Variants in ANAPC16 observed in about 807,000 individuals in gnomAD.
ANAPC16 encodes the protein anaphase-promoting complex subunit 16.
ANAPC16 carries 6 observed loss-of-function variants against 13.1 expected under a neutral mutation model. The observed-to-expected ratio is 0.46, with a 90% confidence interval of 0.25 to 0.90. The LOEUF (loss-of-function observed/expected upper bound fraction) is 0.90. ANAPC16 is among the 40% of genes least tolerant of loss of function. ANAPC16 has a pLI of 0.18. For synonymous variants in ANAPC16, 55 were observed against 51.3 expected (o/e 1.07, Z -0.31); for missense variants, 113 against 131.1 (o/e 0.86, Z 0.67).
At chr10:72,224,181 C>T (rs999547279) in intron 2 of ANAPC16, 125 bp downstream of exon 2, 4 of 1,104,004 alleles carry the variant, frequency 3.6e-6, no homozygotes, top group Non-Finnish European at 4.8e-6. Context: ...CATTTCTTGT[C>T]CCCATCTCAA....
chr10:72,232,038 T>G (rs1231568619), intron 3 of ANAPC16, among the ~76,000 whole-genome samples: 1 of 150,118 alleles, frequency 6.7e-6, no homozygotes, highest in African/African-American at 2.5e-5. Context: ...AATACAAAAT[T>G]AGCCAGGCAT....
At chr10:72,218,639 T>G (rs920555240) in intron 1 of ANAPC16, among the ~76,000 whole-genome samples, 7 of 152,212 alleles carry the variant, frequency 4.6e-5, no homozygotes, top group Non-Finnish European at 8.8e-5. Flanking sequence ...TTCCTTACTA[T>G]AGGCCAGGTG....
chr10:72,226,343 A>G (rs758746769), intron 2 of ANAPC16, among the ~76,000 whole-genome samples: 16 of 152,002 alleles, frequency 1.1e-4, no homozygotes, highest in Admixed American at 7.9e-4. Flanking sequence ...TTACACAACT[A>G]TATTTTAAAA....
At chr10:72,232,029 A>C (rs953674226) in intron 3 of ANAPC16, among the ~76,000 whole-genome samples, 1 of 148,762 alleles carries the variant, frequency 6.7e-6, no homozygotes, top group Non-Finnish European at 1.5e-5. Flanking sequence ...TCTACTAAAA[A>C]TACAAAATTA....
chr10:72,218,241 C>T (rs1305873743), intron 1 of ANAPC16, among the ~76,000 whole-genome samples: 2 of 115,534 alleles, frequency 1.7e-5, no homozygotes, highest in African/African-American at 6.6e-5. Flanking sequence ...CAATTTTTTA[C>T]ATTTTTGGCA....
At chr10:72,222,578 A>C (rs951402610) in intron 1 of ANAPC16, among the ~76,000 whole-genome samples, 2 of 151,868 alleles carry the variant, frequency 1.3e-5, no homozygotes, top group Non-Finnish European at 2.9e-5. Context: ...GGAGTTTGAG[A>C]CCAGCATGGC....
intron 1 of ANAPC16, among the ~76,000 whole-genome samples, chr10:72,222,580 C>G (rs1182585170): frequency 2.0e-5 from 3 of 151,562 alleles, no homozygotes; most frequent in Non-Finnish European, 4.4e-5. Flanking sequence ...AGTTTGAGAC[C>G]AGCATGGCCA....
chr10:72,232,770 A>AT (rs1406917798), intron 3 of ANAPC16, among the ~76,000 whole-genome samples: 5 of 151,126 alleles, frequency 3.3e-5, no homozygotes, highest in East Asian at 2.0e-4. Flanking sequence ...CGTCCAGCTA[A>AT]TTTTTTTTGT....
chr10:72,219,455 G>A (rs1253975195), intron 1 of ANAPC16, among the ~76,000 whole-genome samples: 1 of 152,216 alleles, frequency 6.6e-6, no homozygotes, highest in Non-Finnish European at 1.5e-5. Flanking sequence ...GAAAATGTCA[G>A]CTGAGCAGAG....
At position 72,233,878 on chromosome 10, in the gene ANAPC16, G is replaced by C. The variant is rs1860397645; in HGVS notation, c.*762G>C. Reference sequence around the variant, plus strand: ...TCTCAGGGATTTGGGATGAAGTGAAGAGGTCAAATTACTTTTTAGAAGAAG... The same window carrying C: ...TCTCAGGGATTTGGGATGAAGTGAACAGGTCAAATTACTTTTTAGAAGAAG... On this transcript the variant is annotated 3_prime_UTR_variant, in exon 4 of 4. Coordinates refer to ENST00000299381, the MANE Select transcript of ANAPC16 (RefSeq NM_173473.4). 1 of 152,600 alleles carries C rather than the reference G, an allele frequency of 6.6e-6. No homozygotes were observed. Among genetic ancestry groups the C allele is most frequent in the South Asian group, 2.1e-4 (1 of 4,828 alleles). 9.5% of individuals were successfully genotyped at this position (152,600 alleles called of 1,614,324 possible).
At chr10:72,220,324 T>TAAAAAAAAA in intron 1 of ANAPC16, 1 of 89,120 alleles carries the variant, frequency 1.1e-5, no homozygotes, top group African/African-American at 9.3e-5. Flanking sequence ...AAACTCCGTC[T>TAAAAAAAAA]CAAAAAAAAA....
chr10:72,226,186 T>G (rs983885895), intron 2 of ANAPC16, among the ~76,000 whole-genome samples: 5 of 151,494 alleles, frequency 3.3e-5, no homozygotes, highest in Admixed American at 1.3e-4. Flanking sequence ...TGGCTAATTT[T>G]TTTAATATTT....
chr10:72,217,818 A>G (rs544697528), intron 1 of ANAPC16, among the ~76,000 whole-genome samples: 117 of 152,198 alleles, frequency 7.7e-4, no homozygotes, highest in Non-Finnish European at 1.2e-3. Context: ...CAGAAATCCA[A>G]AATCCTCCAA....
At chr10:72,222,454 AAGAC>A (rs772692873) in intron 1 of ANAPC16, among the ~76,000 whole-genome samples, 12,075 of 142,862 alleles carry the variant, frequency 0.085, 1,345 homozygotes, top group African/African-American at 0.26. Context: ...GCAACATAGC[AAGAC>A]CTTGTCTCTA....
At chr10:72,226,871 A>C (rs547823876) in intron 2 of ANAPC16, among the ~76,000 whole-genome samples, 1 of 152,230 alleles carries the variant, frequency 6.6e-6, no homozygotes, top group Admixed American at 6.5e-5. Flanking sequence ...TAGCATATGT[A>C]ATTAGTGATA....
intron 3 of ANAPC16, 90 bp downstream of exon 3, chr10:72,230,530 G>GTCC: frequency 9.2e-7 from 1 of 1,082,034 alleles, no homozygotes; most frequent in African/African-American, 1.6e-5. Flanking sequence ...AACTCAGCAA[G>GTCC]GCTATTTTAG....
chr10:72,225,119 A>T (rs1048468636), intron 2 of ANAPC16, among the ~76,000 whole-genome samples: 1 of 151,982 alleles, frequency 6.6e-6, no homozygotes, highest in African/African-American at 2.4e-5. Context: ...CCCCATCTCT[A>T]CTAAAAATAC....
rs144886230 is a variant in ANAPC16, at chr10:72,227,505, C to T, written c.143-2861C>T. Among the ~76,000 whole-genome samples the T allele has an allele frequency of 6.5e-3, 983 of 152,026 alleles. 5 individuals are homozygous for T. Among genetic ancestry groups the T allele is most frequent in the African/African-American group, 0.023 (935 of 41,464 alleles). Reference sequence around the variant, plus strand: ...AAGATAATCTTTAAAAATCTAAAATCTTAAGAATATAAAGAGTATTACACT... The same window carrying T: ...AAGATAATCTTTAAAAATCTAAAATTTTAAGAATATAAAGAGTATTACACT... On this transcript the variant is annotated intron_variant, in intron 2 of 3. Coordinates refer to ENST00000299381, the MANE Select transcript of ANAPC16 (RefSeq NM_173473.4).
chr10:72,232,341 T>C (rs1860341215), intron 3 of ANAPC16, among the ~76,000 whole-genome samples: 1 of 151,582 alleles, frequency 6.6e-6, no homozygotes, highest in South Asian at 2.1e-4. Context: ...GGTCAGGAGT[T>C]CGAGACTAGC....
Sources: gnomAD v4.1 joint callset for allele counts (sites outside exome capture counted in the v4.1 genomes callset) on GRCh38, gnomAD v4.1.1 for gene constraint, MANE v1.5 for transcripts, NCBI Gene and HGNC (gene_info 2026-07-23, HGNC 2026-07-21) for gene names.